JAKMIP3: variants seen among roughly 807,000 people sequenced by gnomAD.
JAKMIP3 encodes Janus kinase and microtubule interacting protein 3, also known as janus kinase and microtubule-interacting protein 3.
Under a neutral mutation model 118.5 loss-of-function variants are expected in JAKMIP3, and 58 were observed. That is an observed-to-expected ratio of 0.49 (90% CI 0.40 to 0.61). The LOEUF (loss-of-function observed/expected upper bound fraction) is 0.61. Ranked by LOEUF, JAKMIP3 falls within the 20% of genes least tolerant of loss-of-function variation. JAKMIP3 has a pLI of 0.00. For synonymous variants in JAKMIP3, 486 were observed against 451.2 expected (o/e 1.08, Z -0.98); for missense variants, 950 against 1,109.0 (o/e 0.86, Z 2.04).
At position 132,117,538 on chromosome 10, in the gene JAKMIP3, C is replaced by T. The variant is rs1448251535; in HGVS notation, c.597C>T (p.Arg199=). 1 of 1,585,582 alleles carries T rather than the reference C, an allele frequency of 6.3e-7. No homozygotes were observed. The highest frequency in any genetic ancestry group is 1.8e-5 in the Admixed American group (1 of 54,526). Reference sequence around the variant, plus strand: ...ACCTGCACCAGGAGGAGATCACCCGCATCAAGAAGGAGTGCGAGCGGGAGA... The same window carrying T: ...ACCTGCACCAGGAGGAGATCACCCGTATCAAGAAGGAGTGCGAGCGGGAGA... ...VYHLHQEEIT[R]IKKECEREIR... The change falls in exon 3 of 24, where the codon CGC becomes CGT. Residue 199 remains arginine (R), a synonymous_variant. Transcript: ENST00000684848. This position sits in a 1 kb window ranked among gnomAD's most constrained non-coding sequence, Gnocchi z 8.6.
At chr10:132,140,726 C>T (rs2053346063) in intron 10 of JAKMIP3, 147 bp downstream of exon 10, 2 of 1,368,632 alleles carry the variant, frequency 1.5e-6, no homozygotes, top group Non-Finnish European at 2.0e-6. Context: ...ACGGGGAAGC[C>T]CTTCGCGGCC....
intron 1 of JAKMIP3, among the ~76,000 whole-genome samples, chr10:132,057,158 G>A (rs58718894): frequency 0.18 from 27,546 of 152,196 alleles, 2,560 homozygotes; most frequent in Middle Eastern, 0.26. Flanking sequence ...GAGGGAGGAA[G>A]GTCAGCCCCA....
intron 1 of JAKMIP3, among the ~76,000 whole-genome samples, chr10:132,076,015 G>A (rs1295714090): frequency 6.6e-6 from 1 of 152,128 alleles, no homozygotes; most frequent in African/African-American, 2.4e-5. Context: ...TTAATAAAAT[G>A]TAACTCACAT....
chr10:132,088,992 A>G (rs538825903), intron 1 of JAKMIP3, among the ~76,000 whole-genome samples: 1 of 152,182 alleles, frequency 6.6e-6, no homozygotes, highest in South Asian at 2.1e-4. Flanking sequence ...TGTTTTTGTC[A>G]GGTTTGTCAA....
intron 23 of JAKMIP3, among the ~76,000 whole-genome samples, chr10:132,175,996 T>C (rs2060104176): frequency 6.6e-6 from 1 of 152,248 alleles, no homozygotes; most frequent in South Asian, 2.1e-4. Context: ...GGGCAGTTGC[T>C]GAGCTGGGGG....
intron 19 of JAKMIP3, among the ~76,000 whole-genome samples, chr10:132,159,895 T>TGGG (rs539067139): frequency 2.1e-4 from 2 of 9,508 alleles, no homozygotes. Context: ...TGTGTGATGC[T>TGGG]GGGGGGTCTC....
At chr10:132,163,450 TG>T in intron 20 of JAKMIP3, 38 bp downstream of exon 20, 8 of 1,551,094 alleles carry the variant, frequency 5.2e-6, no homozygotes, top group Non-Finnish European at 6.9e-6. Context: ...CGTGAAGACC[TG>T]GCCAGGACCT....
intron 19 of JAKMIP3, 100 bp from the exon 20 acceptor site, chr10:132,163,109 C>T (rs967612113): frequency 8.5e-7 from 1 of 1,179,654 alleles, no homozygotes; most frequent in Non-Finnish European, 1.2e-6. Flanking sequence ...TCCTCTTGGC[C>T]CTGCTCCCAG....
At position 132,182,733 on chromosome 10, in the gene JAKMIP3, G is replaced by A. The variant is rs2061598142; in HGVS notation, c.*1480G>A. 1 of 152,226 alleles carries A rather than the reference G, an allele frequency of 6.6e-6. No homozygotes were observed. Among genetic ancestry groups the A allele is most frequent in the African/African-American group, 2.4e-5 (1 of 41,450 alleles). 9.4% of individuals were successfully genotyped at this position (152,226 alleles called of 1,614,324 possible). A position where few individuals can be genotyped will look rare whatever the true frequency, so the allele number is the denominator to read the frequency against. The stretch of plus-strand genomic sequence containing the variant: ...CGACTCAGCTGCCGTAGGGAGGACT[G>A]GGTTGTCTGGAAGTATTAGGCTCAT... On this transcript the variant is annotated 3_prime_UTR_variant, in exon 24 of 24. Transcript: ENST00000684848.
intron 8 of JAKMIP3, among the ~76,000 whole-genome samples, chr10:132,137,822 C>T (rs1564944495): frequency 6.6e-6 from 1 of 152,348 alleles, no homozygotes; most frequent in East Asian, 1.9e-4. Context: ...ACTGTGTGCC[C>T]CTCAAGTCAC....
chr10:132,057,594 G>A (rs898975703), intron 1 of JAKMIP3, among the ~76,000 whole-genome samples: 1 of 152,240 alleles, frequency 6.6e-6, no homozygotes, highest in Admixed American at 6.5e-5. Context: ...CAGGCCCCAC[G>A]AGGCTGGCGA....
At chr10:132,062,124 C>T (rs564657623), upstream of JAKMIP3, among the ~76,000 whole-genome samples, 7 of 152,112 alleles carry the variant, frequency 4.6e-5, no homozygotes, top group East Asian at 3.9e-4. Flanking sequence ...GAAGAGGGGC[C>T]GGGAGAGCCC....
At chr10:132,056,202 A>G (rs1260659534) in intron 1 of JAKMIP3, among the ~76,000 whole-genome samples, 2 of 152,076 alleles carry the variant, frequency 1.3e-5, no homozygotes, top group East Asian at 3.9e-4. Flanking sequence ...CCCCACACTC[A>G]GTTTCTCCAC....
At chr10:132,109,048 A>G (rs1589831957) in intron 2 of JAKMIP3, among the ~76,000 whole-genome samples, 1 of 139,092 alleles carries the variant, frequency 7.2e-6, no homozygotes, top group African/African-American at 2.7e-5. Context: ...ATATATACAC[A>G]CACATACATG....
chr10:132,064,609 C>T (rs1409363167), upstream of JAKMIP3, among the ~76,000 whole-genome samples: 1 of 152,214 alleles, frequency 6.6e-6, no homozygotes, highest in Non-Finnish European at 1.5e-5. This position sits in a 1 kb window ranked among gnomAD's most constrained non-coding sequence, Gnocchi z 4.4. Flanking sequence ...GACATAGAGG[C>T]AGCGATGGTT....
rs75490305 is a variant in JAKMIP3, at chr10:132,056,613, G to A, written c.-138+19875G>A. Reference sequence around the variant, plus strand: ...GGGCCATCGGACTTGGGCAGTGTGCGCTGGGTTGAAAGCGAGGCAGATCAT... The same window carrying A: ...GGGCCATCGGACTTGGGCAGTGTGCACTGGGTTGAAAGCGAGGCAGATCAT... On this transcript the variant is annotated intron_variant, in intron 1 of 23. Coordinates refer to the JAKMIP3 transcript ENST00000657785. 5.5e-3 allele frequency among the ~76,000 whole-genome samples: 835 copies of A among 152,296 alleles called. 8 individuals carry two copies. Among genetic ancestry groups the A allele is most frequent in the African/African-American group, 0.019 (785 of 41,558 alleles).
intron 4 of JAKMIP3, among the ~76,000 whole-genome samples, chr10:132,134,316 G>A (rs539839149): frequency 4.6e-5 from 7 of 152,240 alleles, no homozygotes; most frequent in South Asian, 2.1e-4. Context: ...GAGCTGAGCC[G>A]GTCCTAGGAC....
At chr10:132,152,419 T>C (rs1264980281) in intron 16 of JAKMIP3, among the ~76,000 whole-genome samples, 1 of 152,168 alleles carries the variant, frequency 6.6e-6, no homozygotes, top group Non-Finnish European at 1.5e-5. Flanking sequence ...ATAATCACTC[T>C]ACCCAGAAGG....
chr10:132,115,665 A>G (rs2047536358), intron 2 of JAKMIP3, among the ~76,000 whole-genome samples: 1 of 152,246 alleles, frequency 6.6e-6, no homozygotes, highest in African/African-American at 2.4e-5. Flanking sequence ...GAGGACCCCA[A>G]ATTCTAGAGC....
Sources: allele counts gnomAD v4.1 joint callset (sites outside exome capture counted in the v4.1 genomes callset), GRCh38; gene constraint gnomAD v4.1.1; non-coding constraint Gnocchi (gnomAD v3.1); transcripts MANE v1.5; gene names NCBI Gene and HGNC (gene_info 2026-07-23, HGNC 2026-07-21).